The following MORF4L1 variants were observed in gnomAD, a reference collection of about 807,000 sequenced individuals.
MORF4L1 encodes the protein mortality factor 4-like protein 1.
A neutral mutation model predicts 52.9 loss-of-function variants in MORF4L1; 4 were observed. The ratio of observed to expected loss-of-function variants is 0.08; its 90% CI spans 0.04 to 0.17. The LOEUF (loss-of-function observed/expected upper bound fraction) is 0.17, where lower values mean the gene tolerates loss of function less well. Among genes scored for constraint, MORF4L1 ranks in the 10% least tolerant of loss-of-function variants. The pLI is 1.00. For missense variants in MORF4L1, 214 were observed against 390.4 expected, an observed-to-expected ratio of 0.55 and a Z score of 3.81; for synonymous variants, 123 against 134.8, an observed-to-expected ratio of 0.91 and a Z score of 0.61.
intron 11 of MORF4L1, among the ~76,000 whole-genome samples, 181 bp downstream of exon 11, chr15:78,895,085 A>G (rs931583228): frequency 1.3e-5 from 2 of 152,208 alleles, no homozygotes; most frequent in South Asian, 2.1e-4. Flanking sequence ...TGGTATATAG[A>G]TGATATATTG....
At chr15:78,880,222 T>A (rs558895865) in intron 2 of MORF4L1, among the ~76,000 whole-genome samples, 1 of 152,268 alleles carries the variant, frequency 6.6e-6, no homozygotes, top group Non-Finnish European at 1.5e-5. Flanking sequence ...CCTGGCTGAT[T>A]AGACTGAGAA....
At chr15:78,886,450 A>G in intron 4 of MORF4L1, 1 of 530,976 alleles carries the variant, frequency 1.9e-6, no homozygotes, top group East Asian at 3.0e-5. Flanking sequence ...CCTAGGTAGA[A>G]AACAGCAGAA....
intron 1 of MORF4L1, among the ~76,000 whole-genome samples, chr15:78,875,420 C>G (rs141690584): frequency 6.6e-6 from 1 of 152,282 alleles, no homozygotes; most frequent in African/African-American, 2.4e-5. Flanking sequence ...ACATTACTTT[C>G]CAGGTGTGTT....
chr15:78,873,221 G>C (rs1384893512), intron 1 of MORF4L1, 164 bp downstream of exon 1: 1 of 1,513,348 alleles, frequency 6.6e-7, no homozygotes, highest in South Asian at 1.3e-5. Context: ...CAATTCCGGT[G>C]CGTCATTGTG....
intron 1 of MORF4L1, 29 bp from the exon 2 acceptor site, chr15:78,878,184 A>G: frequency 6.3e-7 from 1 of 1,595,612 alleles, no homozygotes; most frequent in South Asian, 1.1e-5. Context: ...AGAAGAAATT[A>G]CAATTCAGTA....
chr15:78,893,184 A>C (rs1410247000), intron 8 of MORF4L1, among the ~76,000 whole-genome samples: 2 of 152,230 alleles, frequency 1.3e-5, no homozygotes, highest in Non-Finnish European at 2.9e-5. Context: ...TAGTACCACA[A>C]AGGCACATTC....
intron 11 of MORF4L1, among the ~76,000 whole-genome samples, chr15:78,895,704 A>G (rs74543194): frequency 0.029 from 4,437 of 152,266 alleles, 247 homozygotes; most frequent in African/African-American, 0.1. Flanking sequence ...TGGCTTTCCA[A>G]TGTGGATCTT....
chr15:78,894,398 C>A (rs544244486), intron 10 of MORF4L1, 168 bp downstream of exon 10: 20 of 513,544 alleles, frequency 3.9e-5, no homozygotes, highest in Non-Finnish European at 6.2e-5. Context: ...TTTTAAAAAT[C>A]GTGTATTTTA....
At position 78,892,484 on chromosome 15, in the gene MORF4L1, T is replaced by C. The variant is rs184410149; in HGVS notation, c.540+171T>C. The C allele has an allele frequency of 7.1e-4, 348 of 486,866 alleles. 1 individual carries two copies. The highest frequency in any genetic ancestry group is 1.1e-3 in the Non-Finnish European group (307 of 270,338). The allele number at this position is 486,866 out of a possible 1,614,324, so 30.2% of individuals were successfully genotyped here. On this transcript the variant is annotated intron_variant, in intron 8 of 11. Coordinates refer to ENST00000426013, the MANE Select transcript of MORF4L1 (RefSeq NM_006791.4). ...AGAACTACTACCAGAAAGAGTAAGT[T>C]AGAAGAATAAAAGTTCACATATAAA...
At position 78,890,982 on chromosome 15, in the gene MORF4L1, CT is replaced by C; in HGVS notation, c.324-3del. On this transcript the variant is annotated splice_region_variant and splice_polypyrimidine_tract_variant and intron_variant, in intron 5 of 11. Transcript: ENST00000426013. Reference sequence around the variant, plus strand: ...TAATTATTTTTCTTTTTTTTCTCTCCTTTTAGGAAAACGAAAAAGAACAAAC... The same window carrying C: ...TAATTATTTTTCTTTTTTTTCTCTCCTTTAGGAAAACGAAAAAGAACAAAC... The C allele has an allele frequency of 6.9e-7, 1 of 1,447,802 alleles. No individual in the cohort carries two copies. The highest frequency in any genetic ancestry group is 2.4e-5 in the Admixed American group (1 of 41,260). 89.7% of individuals were successfully genotyped at this position (1,447,802 alleles called of 1,614,324 possible). A position where few individuals can be genotyped will look rare whatever the true frequency, so the allele number is the denominator to read the frequency against.
At chr15:78,880,374 T>C in intron 2 of MORF4L1, 138 bp from the exon 3 acceptor site, 2 of 631,862 alleles carry the variant, frequency 3.2e-6, no homozygotes, top group Non-Finnish European at 2.8e-6. Context: ...AACTTGAGTA[T>C]TCTACAAGCT....
At chr15:78,896,889 T>C (rs2056899771) in intron 11 of MORF4L1, 94 bp from the exon 12 acceptor site, 1 of 880,200 alleles carries the variant, frequency 1.1e-6, no homozygotes, top group Non-Finnish European at 1.8e-6. Flanking sequence ...TTTAGGAAAG[T>C]GTTTTCTGTG....
intron 1 of MORF4L1, among the ~76,000 whole-genome samples, chr15:78,875,964 G>T (rs2141586292): frequency 6.6e-6 from 1 of 152,046 alleles, no homozygotes; most frequent in Middle Eastern, 3.4e-3. Flanking sequence ...TTTTGAGACA[G>T]TCTTGCTCTG....
chr15:78,873,455 G>A (rs8039140), intron 1 of MORF4L1, among the ~76,000 whole-genome samples: 112,446 of 151,794 alleles, frequency 0.74, 43,937 homozygotes, highest in South Asian at 0.88. Context: ...GCGGTCCTGC[G>A]GCGCGCCCGG....
At chr15:78,887,731 G>C (rs149593154) in intron 5 of MORF4L1, among the ~76,000 whole-genome samples, 66 of 152,320 alleles carry the variant, frequency 4.3e-4, no homozygotes, top group Middle Eastern at 3.4e-3. Context: ...GAATATGTGA[G>C]AAGTTAAGGT....
intron 5 of MORF4L1, among the ~76,000 whole-genome samples, chr15:78,887,997 T>A (rs560675748): frequency 3.3e-5 from 5 of 152,354 alleles, no homozygotes; most frequent in Non-Finnish European, 7.3e-5. Context: ...CAGGCTGACC[T>A]CCTGACCTCA....
At position 78,897,245 on chromosome 15, in the gene MORF4L1, CTTT is replaced by C. The variant is rs540204037; in HGVS notation, c.*187_*189del. ...GGTAATAGCTCCTTTTTTCTTCTTT[CTTT>C]TTTTTTTTCATTTCAAAATTGCTGC... On this transcript the variant is annotated 3_prime_UTR_variant, in exon 12 of 12. Transcript: ENST00000426013. The C allele has an allele frequency of 1.3e-5, 5 of 393,038 alleles. No homozygotes were observed. Among genetic ancestry groups the C allele is most frequent in the Non-Finnish European group, 2.4e-5 (5 of 209,342 alleles). 24.3% of individuals were successfully genotyped at this position (393,038 alleles called of 1,614,324 possible).
chr15:78,894,016 T>A (rs1262908721), intron 9 of MORF4L1, 42 bp from the exon 10 acceptor site: 1 of 1,549,490 alleles, frequency 6.5e-7, no homozygotes, highest in African/African-American at 1.4e-5. Context: ...ATGTCAGTTA[T>A]TTTTATTGAC....
chr15:78,876,228 G>T (rs1567298096), intron 1 of MORF4L1, among the ~76,000 whole-genome samples: 1 of 151,646 alleles, frequency 6.6e-6, no homozygotes, highest in African/African-American at 2.4e-5. Context: ...GAGCCACCGC[G>T]CCCGGCCGAG....
Sources: allele counts gnomAD v4.1 joint callset (sites outside exome capture counted in the v4.1 genomes callset), GRCh38; gene constraint gnomAD v4.1.1; transcripts MANE v1.5; gene names NCBI Gene and HGNC (gene_info 2026-07-23, HGNC 2026-07-21).